The following ADGRB3 variants were observed in gnomAD, a reference collection of about 807,000 sequenced individuals.
ADGRB3 encodes brain-specific angiogenesis inhibitor 3.
In ADGRB3, 37 loss-of-function variants were observed where a neutral mutation model predicts 193.4. The observed-to-expected ratio is 0.19, with a 90% confidence interval of 0.15 to 0.25. The LOEUF (loss-of-function observed/expected upper bound fraction) is 0.25, where lower values mean the gene tolerates loss of function less well. ADGRB3 is among the 10% of genes least tolerant of loss of function. The probability of loss-of-function intolerance (pLI) is 1.00; values close to 1 mark genes in which losing one functional copy is unlikely to be tolerated. For missense variants in ADGRB3, 1,637 were observed against 1,852.9 expected, an observed-to-expected ratio of 0.88 and a Z score of 2.14; for synonymous variants, 690 against 644.2, an observed-to-expected ratio of 1.07 and a Z score of -1.08.
At chr6:69,311,088 C>T in intron 20 of ADGRB3, among the ~76,000 whole-genome samples, 1 of 151,710 alleles carries the variant, frequency 6.6e-6, no homozygotes, top group East Asian at 1.9e-4. Context: ...TATCTTCAAT[C>T]TTGCTTCAGA....
At chr6:69,138,152 C>A (rs945825378) in intron 17 of ADGRB3, among the ~76,000 whole-genome samples, 3 of 152,156 alleles carry the variant, frequency 2.0e-5, no homozygotes, top group Non-Finnish European at 4.4e-5. Flanking sequence ...AGAAAGAAGC[C>A]TGGAATATAT....
chr6:68,695,647 T>C (rs1765145161), intron 3 of ADGRB3, among the ~76,000 whole-genome samples: 1 of 151,816 alleles, frequency 6.6e-6, no homozygotes, highest in Non-Finnish European at 1.5e-5. Context: ...CGGACATGAG[T>C]GATGTCTGGG....
At chr6:69,170,516 C>T (rs1402264487) in intron 17 of ADGRB3, among the ~76,000 whole-genome samples, 2 of 152,158 alleles carry the variant, frequency 1.3e-5, no homozygotes, top group East Asian at 3.9e-4. Flanking sequence ...TCCACAGATG[C>T]TTTGCCAAAC....
chr6:68,653,223 C>A (rs1768411238), intron 3 of ADGRB3, among the ~76,000 whole-genome samples: 1 of 152,126 alleles, frequency 6.6e-6, no homozygotes, highest in Non-Finnish European at 1.5e-5. Flanking sequence ...TAAGCCTTTG[C>A]CTGTCTATGA....
rs142998958 is a variant in ADGRB3 at position 69,264,722 on chromosome 6, T to A, written c.2814+25496T>A. On this transcript the variant is annotated intron_variant, in intron 20 of 31. Transcript: ENST00000370598. ...TTATCCTATAGAATACAGAACAACT[T>A]CAGAAATGAATTGTAATGAGAGTTC... 3.1e-3 allele frequency among the ~76,000 whole-genome samples: 477 copies of A among 151,792 alleles called. 1 individual carries two copies. The highest frequency in any genetic ancestry group is 0.011 in the African/African-American group (451 of 41,418).
At chr6:69,171,031 A>G (rs1358677071) in intron 17 of ADGRB3, among the ~76,000 whole-genome samples, 1 of 152,242 alleles carries the variant, frequency 6.6e-6, no homozygotes, top group Non-Finnish European at 1.5e-5. Flanking sequence ...TGTAACTCTA[A>G]TAATATATTC....
At chr6:69,181,974 G>A (rs887035485) in intron 17 of ADGRB3, among the ~76,000 whole-genome samples, 2 of 152,144 alleles carry the variant, frequency 1.3e-5, no homozygotes, top group Non-Finnish European at 2.9e-5. Flanking sequence ...ATGACATTCA[G>A]TAGTTCCAAT....
rs954470530 is a variant in ADGRB3, at chr6:68,692,539, C to A, written c.757+53107C>A. Among the ~76,000 whole-genome samples, 3 of 151,632 alleles carry A rather than the reference C, an allele frequency of 2.0e-5. No homozygotes were observed. The East Asian group carries it at 5.8e-4, about 29-fold the overall frequency. On this transcript the variant is annotated intron_variant, in intron 3 of 31. Transcript: ENST00000370598. ...TCTGTATGCTACACCGTTTCTTCAC[C>A]TTGGTTTAAAACAGAAAATATACCA...
chr6:69,140,133 G>C (rs528271843), intron 17 of ADGRB3, among the ~76,000 whole-genome samples: 38 of 152,002 alleles, frequency 2.5e-4, no homozygotes, highest in Non-Finnish European at 4.9e-4. Context: ...TGGAAAACTT[G>C]GAAAAATTCT....
intron 26 of ADGRB3, among the ~76,000 whole-genome samples, chr6:69,349,242 T>A (rs1681211572): frequency 6.6e-6 from 1 of 152,200 alleles, no homozygotes; most frequent in South Asian, 2.1e-4. Flanking sequence ...TGCTACATAT[T>A]TTTCAGATCA....
rs552572897 is a variant in ADGRB3, at chr6:69,112,197, C to T, written c.2480+36159C>T. ...TACGTGAGCACGCCCCACCCAATGGCTGGTAGTGCTACTTTGTCATCTTCT... is the reference window on the plus strand; with the variant it reads ...TACGTGAGCACGCCCCACCCAATGGTTGGTAGTGCTACTTTGTCATCTTCT... On this transcript the variant is annotated intron_variant, in intron 17 of 31. Transcript: ENST00000370598. 3.6e-3 allele frequency among the ~76,000 whole-genome samples: 544 copies of T among 152,264 alleles called. 1 individual carries two copies. Among genetic ancestry groups the T allele is most frequent in the Non-Finnish European group, 5.6e-3 (378 of 68,018 alleles).
At chr6:69,270,357 G>A (rs1767145691) in intron 20 of ADGRB3, among the ~76,000 whole-genome samples, 1 of 152,108 alleles carries the variant, frequency 6.6e-6, no homozygotes. Context: ...TTAAACATCA[G>A]TTCTTATTTG....
intron 24 of ADGRB3, 113 bp downstream of exon 24, chr6:69,333,121 T>A: frequency 1.8e-6 from 2 of 1,139,724 alleles, no homozygotes; most frequent in East Asian, 2.6e-5. Context: ...ATTGATGTAC[T>A]AGTGTGTCCA....
chr6:69,274,624 T>G, intron 20 of ADGRB3, among the ~76,000 whole-genome samples: 1 of 95,562 alleles, frequency 1.0e-5, no homozygotes, highest in Non-Finnish European at 2.1e-5. Context: ...CCTCCCTCCC[T>G]TCCTTCCTTC....
At chr6:69,198,172 T>G (rs374712623) in intron 17 of ADGRB3, among the ~76,000 whole-genome samples, 2 of 152,084 alleles carry the variant, frequency 1.3e-5, no homozygotes, top group South Asian at 4.1e-4. Context: ...TTTGTCAGTC[T>G]TCCATACTAA....
At chr6:69,187,310 G>A (rs772493476) in intron 17 of ADGRB3, among the ~76,000 whole-genome samples, 6 of 151,840 alleles carry the variant, frequency 4.0e-5, no homozygotes, top group Non-Finnish European at 8.8e-5. Flanking sequence ...AAAGTCTTCC[G>A]GGCCAGACAT....
intron 17 of ADGRB3, among the ~76,000 whole-genome samples, chr6:69,123,369 T>C (rs1024699190): frequency 2.0e-5 from 3 of 152,178 alleles, no homozygotes; most frequent in African/African-American, 7.2e-5. Flanking sequence ...TTTTACCTCC[T>C]GCCTCTGAAA....
At chr6:69,011,728 T>C (rs568310060) in intron 11 of ADGRB3, among the ~76,000 whole-genome samples, 1 of 152,188 alleles carries the variant, frequency 6.6e-6, no homozygotes, top group East Asian at 1.9e-4. Flanking sequence ...TTATTAAATA[T>C]CTGCTATGAG....
intron 3 of ADGRB3, among the ~76,000 whole-genome samples, chr6:68,839,759 T>G (rs1020739589): frequency 6.6e-6 from 1 of 152,184 alleles, no homozygotes; most frequent in African/African-American, 2.4e-5. Context: ...TGAGCAATTA[T>G]AGTACCTGGT....
Sources: gnomAD v4.1 joint callset for allele counts (sites outside exome capture counted in the v4.1 genomes callset) on GRCh38, gnomAD v4.1.1 for gene constraint, MANE v1.5 for transcripts, NCBI Gene and HGNC (gene_info 2026-07-23, HGNC 2026-07-21) for gene names.